LRP5: variants seen among roughly 807,000 people sequenced by gnomAD.
The protein encoded by LRP5 is LDL receptor related protein 5, also known as low-density lipoprotein receptor-related protein 5.
LRP5 carries 62 observed loss-of-function variants against 154.1 expected under a neutral mutation model. That is an observed-to-expected ratio of 0.40 (90% confidence interval 0.33 to 0.50). LRP5 has a LOEUF of 0.50. Ranked by LOEUF, LRP5 falls within the 20% of genes least tolerant of loss-of-function variation. LRP5 has a pLI of 0.55. For synonymous variants in LRP5, 966 were observed against 1,011.5 expected, an observed-to-expected ratio of 0.96 and a Z score of 0.85; for missense variants, 1,915 against 2,336.7, an observed-to-expected ratio of 0.82 and a Z score of 3.72.
intron 4 of LRP5, among the ~76,000 whole-genome samples, 184 bp downstream of exon 4, chr11:68,364,127 C>A: frequency 6.6e-6 from 1 of 151,326 alleles, no homozygotes; most frequent in South Asian, 2.1e-4. Context: ...GGGGTACCTG[C>A]TGCAATGGAG....
At chr11:68,332,811 T>C (rs1332989172) in intron 1 of LRP5, among the ~76,000 whole-genome samples, 1 of 151,872 alleles carries the variant, frequency 6.6e-6, no homozygotes, top group East Asian at 1.9e-4. Flanking sequence ...GATGGAGGGA[T>C]GTTGGGGGAA....
At chr11:68,326,582 G>A (rs1168677772) in intron 1 of LRP5, among the ~76,000 whole-genome samples, 1 of 152,266 alleles carries the variant, frequency 6.6e-6, no homozygotes, top group African/African-American at 2.4e-5. Context: ...TTGGCGCTCC[G>A]TGGTTGCTGA....
At chr11:68,360,038 C>T (rs1221853507) in intron 3 of LRP5, among the ~76,000 whole-genome samples, 1 of 152,124 alleles carries the variant, frequency 6.6e-6, no homozygotes, top group Non-Finnish European at 1.5e-5. Context: ...ATCCACCCAC[C>T]TGAGCCTCTC....
At chr11:68,409,783 G>A (rs1167426326) in intron 9 of LRP5, 131 bp from the exon 10 acceptor site, 10 of 749,414 alleles carry the variant, frequency 1.3e-5, no homozygotes, top group Non-Finnish European at 2.3e-5. Flanking sequence ...CCAGGGGGCA[G>A]AGGTTGCAGT....
chr11:68,396,674 C>G (rs1036741032), intron 7 of LRP5, among the ~76,000 whole-genome samples: 1 of 152,194 alleles, frequency 6.6e-6, no homozygotes, highest in African/African-American at 2.4e-5. Context: ...TTGACTGTGA[C>G]AGCTGTCCTG....
intron 3 of LRP5, among the ~76,000 whole-genome samples, chr11:68,361,650 C>CA (rs202044699): frequency 1.8e-4 from 27 of 148,400 alleles, no homozygotes; most frequent in Admixed American, 6.0e-4. Context: ...AAAACAAAAA[C>CA]AAAAAAAAAT....
rs767087328 is a variant in LRP5 at position 68,411,308 on chromosome 11, C to T, written c.2319-128C>T. 37 of 936,990 alleles carry T rather than the reference C, an allele frequency of 3.9e-5. No individual in the cohort carries two copies. In the East Asian group the frequency reaches 5.5e-4, roughly 14 times the overall value. 58.0% of individuals were successfully genotyped at this position (936,990 alleles called of 1,614,324 possible). On this transcript the variant is annotated intron_variant, in intron 10 of 22. Coordinates refer to ENST00000294304, the MANE Select transcript of LRP5 (RefSeq NM_002335.4). ...GGGTCTCGCCCTTCCCTGCTTCCTG[C>T]GCGTGGCTTTCTCCAGGACGGGGAG...
chr11:68,435,473 AG>A (rs1484762162), intron 18 of LRP5, among the ~76,000 whole-genome samples: 2 of 132,062 alleles, frequency 1.5e-5, no homozygotes, highest in Admixed American at 1.5e-4. Context: ...ATGGTGAGAG[AG>A]GGAGCAACGG....
rs1418195798 is a variant in LRP5, at chr11:68,443,544, C to CACAT, written c.4489-2891_4489-2890insCATA. On this transcript the variant is annotated intron_variant, in intron 21 of 22. Transcript: ENST00000294304. ...AAATTATCAATCTCCTCTTTTATGG[C>CACAT]ATATATATATATATATATATATATA... 2.1e-3 allele frequency among the ~76,000 whole-genome samples: 47 copies of CACAT among 22,292 alleles called. 1 individual carries two copies. The highest frequency in any genetic ancestry group is 3.4e-3 in the Non-Finnish European group (43 of 12,746). 14.6% of individuals were successfully genotyped at this position (22,292 alleles called of 152,430 possible). A position where few individuals can be genotyped will look rare whatever the true frequency, so the allele number is the denominator to read the frequency against.
intron 21 of LRP5, chr11:68,445,533 C>A: frequency 8.3e-7 from 1 of 1,204,938 alleles, no homozygotes; most frequent in Non-Finnish European, 1.1e-6. Flanking sequence ...AACTGAGTCC[C>A]TCGGGCATAA....
At position 68,328,235 on chromosome 11, in the gene LRP5, G is replaced by A. The variant is rs1301893813; in HGVS notation, c.91+15430G>A. On this transcript the variant is annotated intron_variant, in intron 1 of 22. Transcript: ENST00000294304. ...GCATCCACGTTGCTGCAATTTTCCA[G>A]GAACAGTAGATCATTTGAAAGTAGA... is the stretch of plus-strand genomic sequence containing the variant. Among the ~76,000 whole-genome samples the A allele has an allele frequency of 2.7e-5, 3 of 111,110 alleles. No homozygotes were observed. The East Asian group carries it at 1.4e-3, about 53-fold the overall frequency. The allele number at this position is 111,110 out of a possible 152,430, so 72.9% of individuals were successfully genotyped here.
chr11:68,401,004 C>T (rs965868698), intron 7 of LRP5, among the ~76,000 whole-genome samples: 6 of 152,154 alleles, frequency 3.9e-5, no homozygotes, highest in South Asian at 2.1e-4. Context: ...TGTTCTGTGC[C>T]GATGTCCCTC....
At chr11:68,310,572 A>G (rs2098587104), upstream of LRP5, among the ~76,000 whole-genome samples, 1 of 152,098 alleles carries the variant, frequency 6.6e-6, no homozygotes, top group South Asian at 2.1e-4. Flanking sequence ...GTGAGCCAAG[A>G]TTGCCCCACT....
intron 1 of LRP5, among the ~76,000 whole-genome samples, chr11:68,344,351 C>T (rs976631437): frequency 2.0e-5 from 3 of 152,152 alleles, no homozygotes. Flanking sequence ...TGGAGTCTCG[C>T]TCTGTCACCC....
intron 21 of LRP5, among the ~76,000 whole-genome samples, chr11:68,444,351 C>G (rs1423545978): frequency 6.6e-6 from 1 of 152,084 alleles, no homozygotes; most frequent in African/African-American, 2.4e-5. Context: ...CCCATCTCTA[C>G]TAAAAATACA....
In LRP5 at chr11:68,348,011, G is replaced by T; in HGVS notation, c.256G>T (p.Ala86Ser). ...GTACTGGACAGACGTGAGCGAGGAGGCCATCAAGCAGACCTACCTGAACCA... is the reference window on the plus strand; with the variant it reads ...GTACTGGACAGACGTGAGCGAGGAGTCCATCAAGCAGACCTACCTGAACCA... ...AVYWTDVSEE[A>S]IKQTYLNQTG... The change falls in exon 2 of 23, where the codon GCC (alanine) becomes TCC (serine). Residue 86 changes from alanine to serine, a missense_variant. Around this residue, in one of 3 missense-constraint regions of LRP5, gnomAD observed 773 missense variants for 1,100.9 expected, o/e 0.70. Transcript: ENST00000294304. 1 of 1,614,146 alleles carries T rather than the reference G, an allele frequency of 6.2e-7. No homozygotes were observed. The highest frequency in any genetic ancestry group is 8.5e-7 in the Non-Finnish European group (1 of 1,180,032).
intron 1 of LRP5, among the ~76,000 whole-genome samples, chr11:68,325,658 G>A (rs999304270): frequency 6.6e-6 from 1 of 152,314 alleles, no homozygotes; most frequent in African/African-American, 2.4e-5. Flanking sequence ...GTGCAGGGTC[G>A]GGGTCCTGGG....
At chr11:68,316,026 T>C (rs1312243514) in intron 1 of LRP5, among the ~76,000 whole-genome samples, 5 of 151,782 alleles carry the variant, frequency 3.3e-5, no homozygotes, top group Non-Finnish European at 5.9e-5. Context: ...TACAACCCTC[T>C]CTTCTATCAA....
chr11:68,337,499 G>A (rs1170366542), intron 1 of LRP5, among the ~76,000 whole-genome samples: 1 of 152,172 alleles, frequency 6.6e-6, no homozygotes, highest in African/African-American at 2.4e-5. Context: ...CATTCACCAA[G>A]TCATGTTTGT....
Sources: gnomAD v4.1 joint callset for allele counts (sites outside exome capture counted in the v4.1 genomes callset) on GRCh38, gnomAD v4.1.1 for gene constraint, gnomAD v4.1.1 regional missense constraint, MANE v1.5 for transcripts, NCBI Gene and HGNC (gene_info 2026-07-23, HGNC 2026-07-21) for gene names.